The following EGFLAM variants were observed in gnomAD, a reference collection of about 807,000 sequenced individuals.
EGFLAM encodes EGF like, fibronectin type III and laminin G domains, also known as pikachurin.
EGFLAM carries 79 observed loss-of-function variants against 113.1 expected under a neutral mutation model. That is an observed-to-expected ratio of 0.70 (90% CI 0.58 to 0.84). The LOEUF is 0.84. EGFLAM is among the 40% of genes least tolerant of loss of function. EGFLAM has a pLI of 0.00. For synonymous variants in EGFLAM, 504 were observed against 487.6 expected (o/e 1.03, Z -0.44); for missense variants, 1,265 against 1,291.6 (o/e 0.98, Z 0.32).
chr5:38,458,331 T>A lies in EGFLAM; in HGVS notation c.2708T>A (p.Val903Glu). 2 of 1,614,142 alleles carry A rather than the reference T, an allele frequency of 1.2e-6. No homozygotes were observed. Among genetic ancestry groups the A allele is most frequent in the Admixed American group, 3.3e-5 (2 of 60,012 alleles). ...LVFSYNLGSG[V>E]ASIMVNGSFN... is the part of the protein sequence containing the mutation. Reference sequence around the variant, plus strand: ...CTTAGCTATAACCTGGGCAGTGGTGTGGCATCCATCATGGTGAATGGCTCC... The same window carrying A: ...CTTAGCTATAACCTGGGCAGTGGTGAGGCATCCATCATGGTGAATGGCTCC... Residue 903 changes from valine (V) to glutamate (E), a missense_variant, in exon 20 of 22, where the codon GTG becomes GAG. Physicochemically the swap from Val to Glu is moderately radical, Grantham distance 121. Coordinates refer to ENST00000322350, the MANE Select transcript of EGFLAM (RefSeq NM_152403.4).
chr5:38,440,775 AT>A (rs1375083382), intron 17 of EGFLAM, among the ~76,000 whole-genome samples: 5 of 152,210 alleles, frequency 3.3e-5, no homozygotes, highest in Admixed American at 3.3e-4. Flanking sequence ...GTCCTTTTAC[AT>A]GAAGCAAAAT....
intron 6 of EGFLAM, among the ~76,000 whole-genome samples, chr5:38,402,533 G>A (rs567466113): frequency 6.6e-6 from 1 of 152,258 alleles, no homozygotes; most frequent in African/African-American, 2.4e-5. Flanking sequence ...GGCTTCTTCT[G>A]CAATAGGCGA....
intron 1 of EGFLAM, among the ~76,000 whole-genome samples, chr5:38,301,478 G>A (rs540782777): frequency 6.6e-5 from 10 of 152,256 alleles, no homozygotes; most frequent in Non-Finnish European, 1.2e-4. Flanking sequence ...AATGGGAGGG[G>A]AGGAATCGGA....
intron 13 of EGFLAM, among the ~76,000 whole-genome samples, chr5:38,426,645 A>C (rs1023100941): frequency 2.0e-5 from 3 of 152,188 alleles, no homozygotes; most frequent in African/African-American, 7.2e-5. Flanking sequence ...ACTGCAGGTC[A>C]AAGATGGTGG....
intron 1 of EGFLAM, among the ~76,000 whole-genome samples, chr5:38,336,600 G>C (rs75712099): frequency 0.015 from 1,290 of 86,390 alleles, 15 homozygotes; most frequent in African/African-American, 0.083. Context: ...CACACACACA[G>C]ACACACAGAC....
chr5:38,263,645 T>C (rs1757558316), intron 1 of EGFLAM, among the ~76,000 whole-genome samples: 1 of 152,238 alleles, frequency 6.6e-6, no homozygotes, highest in Non-Finnish European at 1.5e-5. Context: ...ATTTACATTT[T>C]GATAAAGTCT....
intron 17 of EGFLAM, among the ~76,000 whole-genome samples, chr5:38,446,982 C>T (rs887969061): frequency 1.3e-5 from 2 of 152,124 alleles, no homozygotes; most frequent in Admixed American, 6.5e-5. Context: ...GAAGCTATAA[C>T]GTGTTTTATA....
intron 6 of EGFLAM, among the ~76,000 whole-genome samples, chr5:38,398,717 C>T (rs916518500): frequency 2.0e-5 from 3 of 152,148 alleles, no homozygotes; most frequent in African/African-American, 7.2e-5. Flanking sequence ...CTTGCAGGGC[C>T]AAGTCACTTA....
intron 1 of EGFLAM, among the ~76,000 whole-genome samples, chr5:38,308,208 C>T (rs1396711538): frequency 6.6e-6 from 1 of 152,228 alleles, no homozygotes; most frequent in Non-Finnish European, 1.5e-5. Context: ...CAAAGTGGCA[C>T]AGCCACAGAG....
At chr5:38,348,627 G>A (rs1263103477) in intron 3 of EGFLAM, among the ~76,000 whole-genome samples, 1 of 152,190 alleles carries the variant, frequency 6.6e-6, no homozygotes, top group African/African-American at 2.4e-5. Flanking sequence ...TGGCCAGGTG[G>A]GCGTAAGTTC....
chr5:38,434,178 A>G (rs1742272190), intron 15 of EGFLAM, among the ~76,000 whole-genome samples: 1 of 152,022 alleles, frequency 6.6e-6, no homozygotes, highest in Non-Finnish European at 1.5e-5. Context: ...TGTGCCTTAT[A>G]CTCACATTCC....
intron 17 of EGFLAM, among the ~76,000 whole-genome samples, chr5:38,447,158 A>G (rs1267525383): frequency 6.6e-6 from 1 of 152,194 alleles, no homozygotes; most frequent in African/African-American, 2.4e-5. Context: ...ATGACATCAC[A>G]CACAGCTACT....
At chr5:38,336,575 A>ACACACACACACT (rs1420417757) in intron 1 of EGFLAM, among the ~76,000 whole-genome samples, 1 of 151,296 alleles carries the variant, frequency 6.6e-6, no homozygotes, top group Middle Eastern at 3.2e-3. Context: ...CTCCGTACAC[A>ACACACACACACT]CACACACACA....
At chr5:38,403,661 T>C in intron 6 of EGFLAM, 1 of 1,019,356 alleles carries the variant, frequency 9.8e-7, no homozygotes, top group Middle Eastern at 2.3e-4. Flanking sequence ...TTCATCGTGC[T>C]ACTCAGAACT....
intron 5 of EGFLAM, among the ~76,000 whole-genome samples, chr5:38,367,899 TCTCA>T (rs1740104790): frequency 1.3e-5 from 2 of 152,246 alleles, no homozygotes; most frequent in African/African-American, 4.8e-5. Context: ...AGCTTGTCTC[TCTCA>T]CTCTATAGAA....
chr5:38,350,831 T>TA (rs774501544), intron 4 of EGFLAM, among the ~76,000 whole-genome samples: 1 of 152,150 alleles, frequency 6.6e-6, no homozygotes, highest in Non-Finnish European at 1.5e-5. Context: ...CAGAGTGTGA[T>TA]AGATGCTCCA....
intron 3 of EGFLAM, among the ~76,000 whole-genome samples, chr5:38,339,633 A>G (rs1739283487): frequency 6.6e-6 from 1 of 152,142 alleles, no homozygotes; most frequent in South Asian, 2.1e-4. Context: ...CTATCCTATG[A>G]CCTCATTTTA....
intron 1 of EGFLAM, among the ~76,000 whole-genome samples, chr5:38,275,059 C>T (rs1225592423): frequency 6.6e-6 from 1 of 151,818 alleles, no homozygotes; most frequent in African/African-American, 2.4e-5. Context: ...CTGTAAGACT[C>T]GTGGTAACCA....
chr5:38,454,245 C>T (rs1350797187), intron 19 of EGFLAM, among the ~76,000 whole-genome samples: 4 of 152,108 alleles, frequency 2.6e-5, no homozygotes, highest in African/African-American at 9.7e-5. Flanking sequence ...AAGATGTCAG[C>T]GGTGTGGTGG....
Sources: allele counts gnomAD v4.1 joint callset (sites outside exome capture counted in the v4.1 genomes callset), GRCh38; gene constraint gnomAD v4.1.1; transcripts MANE v1.5; gene names NCBI Gene and HGNC (gene_info 2026-07-23, HGNC 2026-07-21).